Variants in ZNF721 observed in about 807,000 individuals in gnomAD.
ZNF721 encodes zinc finger protein 721.
Under a neutral mutation model 2.4 loss-of-function variants are expected in ZNF721, and 2 were observed. That is an observed-to-expected ratio of 0.82 (90% confidence interval 0.34 to 2.58). The LOEUF is 2.58. ZNF721 is among the 30% of genes most tolerant of loss of function. The pLI is 0.11. For missense variants in ZNF721, 1,187 were observed against 1,085.5 expected (o/e 1.09, Z -1.31); for synonymous variants, 398 against 381.8 (o/e 1.04, Z -0.50).
intron 1 of ZNF721, among the ~76,000 whole-genome samples, chr4:478,794 G>C (rs1373615358): frequency 2.0e-5 from 3 of 150,262 alleles, no homozygotes; most frequent in Non-Finnish European, 3.0e-5. Context: ...TTTGAGATGG[G>C]AGTCTCACTT....
At position 444,237 on chromosome 4, in the gene ZNF721, T is replaced by C; in HGVS notation, c.230A>G (p.Gln77Arg). Residue 77 changes from glutamine to arginine, a missense_variant, in exon 3 of 3, where the codon CAG (glutamine) becomes CGG (arginine). Physicochemically the swap from Gln to Arg is conservative, Grantham distance 43. Transcript: ENST00000511833. ...NGINKCLSNTQSKIFQCNARV... is the reference protein window; with the variant it reads ...NGINKCLSNTRSKIFQCNARV... The stretch of plus-strand genomic sequence containing the variant: ...TGCATTACATTGAAATATTTTGCTC[T>C]GAGTATTTGACAAGCATTTATTAAT... The C allele has an allele frequency of 6.2e-7, 1 of 1,613,646 alleles. No homozygotes were observed. Among genetic ancestry groups the C allele is most frequent in the Non-Finnish European group, 8.5e-7 (1 of 1,179,696 alleles).
intron 2 of ZNF721, among the ~76,000 whole-genome samples, chr4:461,176 T>A (rs74713517): frequency 6.6e-6 from 1 of 152,142 alleles, no homozygotes; most frequent in African/African-American, 2.4e-5. Context: ...ATATCCCCGA[T>A]GAACATCGAT....
At chr4:475,110 C>T (rs1715593690) in intron 1 of ZNF721, among the ~76,000 whole-genome samples, 1 of 151,970 alleles carries the variant, frequency 6.6e-6, no homozygotes, top group Non-Finnish European at 1.5e-5. Context: ...TGGCGTGAAC[C>T]CAGGAGACGG....
At chr4:483,718 C>T (rs1374514247) in intron 1 of ZNF721, among the ~76,000 whole-genome samples, 1 of 152,164 alleles carries the variant, frequency 6.6e-6, no homozygotes, top group Non-Finnish European at 1.5e-5. Flanking sequence ...TAATCCTTTA[C>T]TGTGGATGTA....
chr4:497,422 A>G (rs193157746), intron 1 of ZNF721, among the ~76,000 whole-genome samples: 33 of 151,924 alleles, frequency 2.2e-4, no homozygotes, highest in Middle Eastern at 3.4e-3. Context: ...AGTGCTTATC[A>G]ATGTCAATCG....
chr4:498,215 GAAAAAAAA>G (rs797042296), intron 1 of ZNF721, among the ~76,000 whole-genome samples: 45 of 83,930 alleles, frequency 5.4e-4, no homozygotes, highest in African/African-American at 1.7e-3. Flanking sequence ...AAAAGAAAAA[GAAAAAAAA>G]AAAAAAAAAA....
intron 2 of ZNF721, among the ~76,000 whole-genome samples, chr4:467,302 T>C (rs1715285011): frequency 1.3e-5 from 2 of 152,148 alleles, no homozygotes; most frequent in Admixed American, 6.5e-5. Flanking sequence ...AATGAAAATA[T>C]CTTGTCGGAT....
chr4:459,897 A>C (rs1714964653), intron 2 of ZNF721, among the ~76,000 whole-genome samples: 1 of 152,116 alleles, frequency 6.6e-6, no homozygotes, highest in African/African-American at 2.4e-5. Context: ...AGAAGAGATA[A>C]CTATCCTAAA....
At chr4:482,394 A>G (rs1715793122) in intron 1 of ZNF721, among the ~76,000 whole-genome samples, 1 of 152,116 alleles carries the variant, frequency 6.6e-6, no homozygotes, top group Admixed American at 6.5e-5. Context: ...CAAACTCCTG[A>G]CCTCAGGGGA....
At chr4:474,110 G>A in intron 1 of ZNF721, 1 of 1,205,282 alleles carries the variant, frequency 8.3e-7, no homozygotes. Flanking sequence ...AAGCAGGGAA[G>A]TGAGGCCCTA....
chr4:473,586 T>A (rs1465405828), intron 1 of ZNF721, among the ~76,000 whole-genome samples: 2 of 152,170 alleles, frequency 1.3e-5, no homozygotes, highest in Non-Finnish European at 2.9e-5. Flanking sequence ...GCCCCATTAA[T>A]GAGTCCCCGT....
intron 2 of ZNF721, chr4:453,661 C>G (rs1431451106): frequency 6.6e-6 from 1 of 152,188 alleles, no homozygotes; most frequent in African/African-American, 2.4e-5. Context: ...ATAGAAGAAG[C>G]CAACCACAAT....
intron 2 of ZNF721, among the ~76,000 whole-genome samples, chr4:470,195 GT>G (rs1715389547): frequency 6.6e-6 from 1 of 152,092 alleles, no homozygotes; most frequent in African/African-American, 2.4e-5. Flanking sequence ...GTAGATCATT[GT>G]CTTATACCAT....
chr4:478,583 T>C (rs920175495), intron 1 of ZNF721, among the ~76,000 whole-genome samples: 2 of 152,180 alleles, frequency 1.3e-5, no homozygotes, highest in African/African-American at 2.4e-5. Context: ...AAATAGATTT[T>C]CCATTGCATG....
chr4:470,038 A>G (rs1257798741), intron 2 of ZNF721, among the ~76,000 whole-genome samples: 1 of 152,104 alleles, frequency 6.6e-6, no homozygotes, highest in Non-Finnish European at 1.5e-5. Flanking sequence ...ATCCGCCACC[A>G]TGCCCAGCTA....
At chr4:495,347 A>C (rs1459497839) in intron 1 of ZNF721, among the ~76,000 whole-genome samples, 2 of 151,426 alleles carry the variant, frequency 1.3e-5, no homozygotes, top group African/African-American at 2.4e-5. Flanking sequence ...AAAAAAAAAA[A>C]AGACAAGGTC....
At chr4:469,146 G>A (rs947294267) in intron 2 of ZNF721, among the ~76,000 whole-genome samples, 22 of 152,010 alleles carry the variant, frequency 1.4e-4, no homozygotes, top group African/African-American at 5.3e-4. Flanking sequence ...TGAGGCCCAG[G>A]CTCATCTCAA....
chr4:463,274 G>A (rs1553866323), intron 2 of ZNF721, among the ~76,000 whole-genome samples: 1 of 152,218 alleles, frequency 6.6e-6, no homozygotes, highest in Non-Finnish European at 1.5e-5. Flanking sequence ...TGGAGAGGAT[G>A]TGGAGAAATA....
At chr4:478,089 C>T (rs1311197034) in intron 1 of ZNF721, among the ~76,000 whole-genome samples, 1 of 152,192 alleles carries the variant, frequency 6.6e-6, no homozygotes, top group African/African-American at 2.4e-5. Context: ...ACTCTCAGGG[C>T]AGTTTTCAAC....
Sources: gnomAD v4.1 joint callset for allele counts (sites outside exome capture counted in the v4.1 genomes callset) on GRCh38, gnomAD v4.1.1 for gene constraint, MANE v1.5 for transcripts, NCBI Gene and HGNC (gene_info 2026-07-23, HGNC 2026-07-21) for gene names.